DENND5A: variants seen among roughly 807,000 people sequenced by gnomAD.
DENND5A encodes the protein DENN domain containing 5A, also known as DENN domain-containing protein 5A.
Under a neutral mutation model 140.3 loss-of-function variants are expected in DENND5A, and 64 were observed. The observed-to-expected ratio is 0.46, with a 90% CI of 0.37 to 0.56. DENND5A has a LOEUF of 0.56. DENND5A is among the 20% of genes least tolerant of loss of function. The pLI is 0.00. For missense variants in DENND5A, 1,292 were observed against 1,593.8 expected, an observed-to-expected ratio of 0.81 and a Z score of 3.22; for synonymous variants, 605 against 607.7, an observed-to-expected ratio of 1.00 and a Z score of 0.07.
intron 1 of DENND5A, among the ~76,000 whole-genome samples, chr11:9,242,014 CAAAAAAAAAAA>C (rs965240891): frequency 6.9e-5 from 4 of 58,168 alleles, no homozygotes; most frequent in African/African-American, 1.2e-4. Flanking sequence ...AACTCCGTCT[CAAAAAAAAAAA>C]AAAAAAAAAA....
intron 4 of DENND5A, among the ~76,000 whole-genome samples, chr11:9,197,061 TTGGCAGGCCAAG>T (rs1849354246): frequency 6.6e-6 from 1 of 151,622 alleles, no homozygotes; most frequent in Non-Finnish European, 1.5e-5. Flanking sequence ...TCCTAGCACC[TTGGCAGGCCAAG>T]GTAGGCGGAT....
chr11:9,263,269 C>T (rs1322672585), intron 1 of DENND5A, among the ~76,000 whole-genome samples: 3 of 151,618 alleles, frequency 2.0e-5, no homozygotes, highest in African/African-American at 4.8e-5. Context: ...GTGGCGCAAT[C>T]ACCCAGACTG....
intron 13 of DENND5A, among the ~76,000 whole-genome samples, chr11:9,152,118 T>A (rs974376638): frequency 3.5e-4 from 54 of 152,214 alleles, no homozygotes; most frequent in African/African-American, 1.3e-3. Flanking sequence ...ACTGGCCTCT[T>A]GCCCAAATAA....
At position 9,265,106 on chromosome 11, in the gene DENND5A, G is replaced by T. The variant is rs766926668; in HGVS notation, c.-37C>A. On this transcript the variant is annotated 5_prime_UTR_variant, in exon 1 of 23. Transcript: ENST00000328194. This position sits in a 1 kb window ranked among gnomAD's most constrained non-coding sequence, Gnocchi z 4.7. ...CGAGACCGGCCGGGCAGTGCGGAGC[G>T]GCACCGAGCCCCCGCAACCCGGGCG... is the stretch of plus-strand genomic sequence containing the variant. The T allele has an allele frequency of 2.3e-5, 28 of 1,223,490 alleles. 1 individual carries two copies. In the South Asian group the frequency reaches 7.1e-4, roughly 31 times the overall value. The allele number at this position is 1,223,490 out of a possible 1,614,324, so 75.8% of individuals were successfully genotyped here.
In DENND5A at chr11:9,150,180, G is replaced by C; in HGVS notation, c.2636C>G (p.Thr879Ser). 6.2e-7 allele frequency: 1 copy of C among 1,613,834 alleles called. No individual in the cohort carries two copies. Among genetic ancestry groups the C allele is most frequent in the Non-Finnish European group, 8.5e-7 (1 of 1,179,832 alleles). The part of the protein sequence containing the change: ...RHIQNIGEIK[T>S]DVGKARAWVR... Reference sequence around the variant, plus strand: ...CCATGCTCTGGCCTTTCCCACATCAGTCTTGATTTCCCCGATGTTCTGGAT... The same window carrying C: ...CCATGCTCTGGCCTTTCCCACATCACTCTTGATTTCCCCGATGTTCTGGAT... Residue 879 changes from threonine (T) to serine (S), a missense_variant, in exon 15 of 23, where the codon ACT becomes AGT. By Grantham distance (58) the Thr-to-Ser change is moderately conservative. Transcript: ENST00000328194.
At chr11:9,251,743 A>G (rs1321111558) in intron 1 of DENND5A, among the ~76,000 whole-genome samples, 4 of 152,180 alleles carry the variant, frequency 2.6e-5, no homozygotes, top group Non-Finnish European at 4.4e-5. Context: ...TAATCCCAGC[A>G]CTTTGGGAGG....
At position 9,198,989 on chromosome 11, in the gene DENND5A, G is replaced by C. The variant is rs182623423; in HGVS notation, c.949+4671C>G. On this transcript the variant is annotated intron_variant, in intron 4 of 22. Transcript: ENST00000328194. Reference sequence around the variant, plus strand: ...GGAGACTCACTTGATCCCAGGAGGCGGAGGTTGCAATGAGCCGAGATCATG... The same window carrying C: ...GGAGACTCACTTGATCCCAGGAGGCCGAGGTTGCAATGAGCCGAGATCATG... 5.6e-3 allele frequency among the ~76,000 whole-genome samples: 731 copies of C among 131,030 alleles called. 94 individuals are homozygous for C. The highest frequency in any genetic ancestry group is 8.8e-3 in the Non-Finnish European group (540 of 61,428). The allele number at this position is 131,030 out of a possible 152,430, so 86.0% of individuals were successfully genotyped here.
chr11:9,207,761 T>C (rs2136217368), intron 1 of DENND5A, 129 bp from the exon 2 acceptor site: 1 of 601,080 alleles, frequency 1.7e-6, no homozygotes, highest in Non-Finnish European at 2.9e-6. Context: ...TGTGTATACA[T>C]AAATTTACCT....
intron 4 of DENND5A, among the ~76,000 whole-genome samples, chr11:9,198,430 G>A (rs995515178): frequency 6.6e-6 from 1 of 151,912 alleles, no homozygotes; most frequent in Admixed American, 6.6e-5. Flanking sequence ...GGCCAACATG[G>A]AGAAACTGCA....
chr11:9,262,997 T>A (rs1023921843), intron 1 of DENND5A, among the ~76,000 whole-genome samples: 8 of 152,108 alleles, frequency 5.3e-5, no homozygotes, highest in African/African-American at 1.9e-4. Flanking sequence ...CGCCTCAGCC[T>A]CCCAAAGTGC....
chr11:9,178,898 G>T lies in DENND5A; in HGVS notation c.1631C>A (p.Ser544Tyr). Residue 544 changes from serine (S) to tyrosine (Y), a missense_variant, in exon 7 of 23, where the codon TCC (serine) becomes TAC (tyrosine). Physicochemically the swap from Ser to Tyr is moderately radical, Grantham distance 144. Transcript: ENST00000328194. ...CATTTGCTCCCTGTTGGTAAACCAG[G>T]ATTCCTTATCCTGGCTGGGTTGGAT... ...FVIQPSQDKE[S>Y]WFTNREQMQN... The T allele has an allele frequency of 6.2e-7, 1 of 1,614,082 alleles. No homozygotes were observed. Among genetic ancestry groups the T allele is most frequent in the Non-Finnish European group, 8.5e-7 (1 of 1,180,008 alleles).
chr11:9,237,288 C>T (rs1851043939), intron 1 of DENND5A, among the ~76,000 whole-genome samples: 1 of 152,014 alleles, frequency 6.6e-6, no homozygotes, highest in Non-Finnish European at 1.5e-5. Context: ...GGTGTGGTGG[C>T]ACACGCCTGT....
chr11:9,259,903 C>T, intron 1 of DENND5A, among the ~76,000 whole-genome samples: 1 of 151,830 alleles, frequency 6.6e-6, no homozygotes. Flanking sequence ...CTAGTGCACA[C>T]CTGTGGTCCC....
intron 12 of DENND5A, 106 bp from the exon 13 acceptor site, chr11:9,152,548 T>G: frequency 3.8e-6 from 3 of 793,958 alleles, no homozygotes. Context: ...GTACTGTTTC[T>G]TGTTTCAATG....
chr11:9,237,168 A>T (rs547705653), intron 1 of DENND5A, among the ~76,000 whole-genome samples: 43 of 152,134 alleles, frequency 2.8e-4, no homozygotes, highest in Non-Finnish European at 5.1e-4. Context: ...TGTAATCCCA[A>T]CACTTTGGGA....
At chr11:9,246,554 G>A (rs1851480167) in intron 1 of DENND5A, among the ~76,000 whole-genome samples, 1 of 144,790 alleles carries the variant, frequency 6.9e-6, no homozygotes, top group Admixed American at 7.1e-5. Flanking sequence ...GGAGGTTACA[G>A]TAAGCAGAGA....
At chr11:9,198,197 T>C (rs540438276) in intron 4 of DENND5A, among the ~76,000 whole-genome samples, 1 of 152,174 alleles carries the variant, frequency 6.6e-6, no homozygotes, top group East Asian at 1.9e-4. Context: ...AACACTGTAA[T>C]TGAATTAGGC....
intron 1 of DENND5A, among the ~76,000 whole-genome samples, chr11:9,213,808 C>CAAAAAAAAAAAAAAAAAAAAAAAAAAA (rs3074627): frequency 1.4e-5 from 1 of 69,644 alleles, no homozygotes; most frequent in Non-Finnish European, 2.6e-5. Flanking sequence ...CTCCGTCTCC[C>CAAAAAAAAAAAAAAAAAAAAAAAAAAA]AAAAAAAAAA....
intron 8 of DENND5A, among the ~76,000 whole-genome samples, chr11:9,173,238 A>G (rs61379640): frequency 0.043 from 6,538 of 152,248 alleles, 437 homozygotes; most frequent in African/African-American, 0.15. Context: ...TCACCAGCAG[A>G]TCTACACTAC....
Sources: gnomAD v4.1 joint callset for allele counts (sites outside exome capture counted in the v4.1 genomes callset) on GRCh38, gnomAD v4.1.1 for gene constraint, Gnocchi (gnomAD v3.1) non-coding constraint, MANE v1.5 for transcripts, NCBI Gene and HGNC (gene_info 2026-07-23, HGNC 2026-07-21) for gene names.